The following INPP5D variants were observed in gnomAD, a reference collection of about 807,000 sequenced individuals.
INPP5D encodes the protein inositol polyphosphate-5-phosphatase D, also known as phosphatidylinositol 3,4,5-trisphosphate 5-phosphatase 1.
INPP5D carries 33 observed loss-of-function variants against 122.9 expected under a neutral mutation model. That is an observed-to-expected ratio of 0.27 (90% CI 0.20 to 0.36). The LOEUF (loss-of-function observed/expected upper bound fraction) is 0.36, where lower values mean the gene tolerates loss of function less well. INPP5D is among the 10% of genes least tolerant of loss of function. The probability of loss-of-function intolerance (pLI) is 1.00; values close to 1 mark genes in which losing one functional copy is unlikely to be tolerated. For synonymous variants in INPP5D, 584 were observed against 576.2 expected, an observed-to-expected ratio of 1.01 and a Z score of -0.19; for missense variants, 1,053 against 1,412.7, an observed-to-expected ratio of 0.75 and a Z score of 4.08.
intron 2 of INPP5D, among the ~76,000 whole-genome samples, chr2:233,117,537 C>T (rs1444502767): frequency 1.3e-5 from 2 of 152,184 alleles, no homozygotes; most frequent in African/African-American, 4.8e-5. Context: ...CGGGAGGCCA[C>T]AGCGCCTGCT....
At chr2:233,202,879 A>G (rs1432404637) in intron 25 of INPP5D, among the ~76,000 whole-genome samples, 1 of 152,184 alleles carries the variant, frequency 6.6e-6, no homozygotes, top group African/African-American at 2.4e-5. Flanking sequence ...TCCCCTGCCC[A>G]TGAGTTGAGT....
At chr2:233,156,553 C>T (rs1485034861) in intron 9 of INPP5D, among the ~76,000 whole-genome samples, 4 of 152,156 alleles carry the variant, frequency 2.6e-5, no homozygotes, top group African/African-American at 4.8e-5. Flanking sequence ...CCTCAGCCTC[C>T]CAAAGTGCTA....
At chr2:233,132,286 G>A (rs2106265733) in intron 5 of INPP5D, among the ~76,000 whole-genome samples, 1 of 152,256 alleles carries the variant, frequency 6.6e-6, no homozygotes, top group Non-Finnish European at 1.5e-5. Context: ...GTCTCTCCAC[G>A]AGGCTTCCCT....
At chr2:233,163,961 G>GT in intron 12 of INPP5D, 58 bp downstream of exon 12, 1 of 1,582,732 alleles carries the variant, frequency 6.3e-7, no homozygotes, top group South Asian at 1.1e-5. Flanking sequence ...GCTCGGCTGG[G>GT]CTGTCTCAGA....
At chr2:233,153,309 C>G (rs1253919544) in intron 9 of INPP5D, among the ~76,000 whole-genome samples, 1 of 152,166 alleles carries the variant, frequency 6.6e-6, no homozygotes, top group East Asian at 1.9e-4. Context: ...TGGTAGAAAT[C>G]GGACTGTGGG....
At chr2:233,115,548 G>A (rs1032330363) in intron 2 of INPP5D, among the ~76,000 whole-genome samples, 9 of 152,186 alleles carry the variant, frequency 5.9e-5, no homozygotes, top group South Asian at 2.1e-4. Context: ...TTAAAGACCC[G>A]GGTGCCCTTC....
chr2:233,201,810 C>G (rs556031979), intron 25 of INPP5D, among the ~76,000 whole-genome samples: 1 of 152,184 alleles, frequency 6.6e-6, no homozygotes. Flanking sequence ...GGAGATGAGA[C>G]TCGTCTCCTG....
At chr2:233,077,644 A>G (rs1270475500) in intron 1 of INPP5D, among the ~76,000 whole-genome samples, 1 of 140,760 alleles carries the variant, frequency 7.1e-6, no homozygotes, top group Non-Finnish European at 1.5e-5. Context: ...CTGGGCAACA[A>G]GAGCAAAACT....
chr2:233,086,121 C>CTTTCTTTA (rs1010736647), intron 2 of INPP5D, among the ~76,000 whole-genome samples: 2 of 67,332 alleles, frequency 3.0e-5, no homozygotes, highest in South Asian at 1.3e-3. Flanking sequence ...AAGATAGCCT[C>CTTTCTTTA]TTTCTTTCTT....
chr2:233,085,140 C>A (rs571613500), intron 2 of INPP5D, among the ~76,000 whole-genome samples: 130 of 152,232 alleles, frequency 8.5e-4, no homozygotes, highest in African/African-American at 2.9e-3. Context: ...AATCCCAGCA[C>A]TTTGGGAGGC....
chr2:233,114,871 CTT>C (rs538448378), intron 2 of INPP5D, among the ~76,000 whole-genome samples: 23 of 144,948 alleles, frequency 1.6e-4, no homozygotes, highest in Middle Eastern at 7.2e-3. Context: ...TTTGTTTCCA[CTT>C]TTTTTTTTTT....
chr2:233,132,590 T>C (rs1453247845), intron 5 of INPP5D, among the ~76,000 whole-genome samples: 1 of 152,272 alleles, frequency 6.6e-6, no homozygotes, highest in East Asian at 1.9e-4. Context: ...CTTGGCATTT[T>C]AGGAAATTGT....
intron 8 of INPP5D, 96 bp from the exon 9 acceptor site, chr2:233,147,375 G>A: frequency 3.0e-6 from 2 of 670,878 alleles, no homozygotes; most frequent in Non-Finnish European, 5.5e-6. Context: ...GCACACCAGA[G>A]GTTGCCCAGC....
At chr2:233,203,845 G>A (rs940852826) in intron 25 of INPP5D, among the ~76,000 whole-genome samples, 3 of 152,198 alleles carry the variant, frequency 2.0e-5, no homozygotes, top group African/African-American at 7.2e-5. Context: ...CTACTTGGGA[G>A]GCTGAGGGGA....
chr2:233,168,184 G>T (rs1205217835), intron 13 of INPP5D, among the ~76,000 whole-genome samples: 1 of 152,096 alleles, frequency 6.6e-6, no homozygotes, highest in Admixed American at 6.6e-5. Flanking sequence ...TTCAATAATA[G>T]ATTTTATTGA....
At chr2:233,063,504 TG>T (rs1691129898) in intron 1 of INPP5D, among the ~76,000 whole-genome samples, 2 of 152,190 alleles carry the variant, frequency 1.3e-5, no homozygotes, top group African/African-American at 4.8e-5. Context: ...ACTATGTAAA[TG>T]GACTTGAGCG....
chr2:233,178,518 A>C (rs1314221174), intron 18 of INPP5D, among the ~76,000 whole-genome samples: 1 of 150,468 alleles, frequency 6.6e-6, no homozygotes, highest in African/African-American at 2.5e-5. Flanking sequence ...AGTCTCTCTC[A>C]GTCGCCCAGG....
At chr2:233,076,060 C>T (rs769865029) in intron 1 of INPP5D, among the ~76,000 whole-genome samples, 1 of 152,138 alleles carries the variant, frequency 6.6e-6, no homozygotes, top group African/African-American at 2.4e-5. Flanking sequence ...CTGTTCTGTG[C>T]GCCTGCCTCT....
intron 10 of INPP5D, among the ~76,000 whole-genome samples, chr2:233,159,335 C>T (rs770243681): frequency 1.3e-5 from 2 of 152,298 alleles, no homozygotes; most frequent in East Asian, 3.9e-4. Context: ...CCATGCAGCT[C>T]GTGTGAGGCA....
Sources: allele counts gnomAD v4.1 joint callset (sites outside exome capture counted in the v4.1 genomes callset), GRCh38; gene constraint gnomAD v4.1.1; transcripts MANE v1.5; gene names NCBI Gene and HGNC (gene_info 2026-07-23, HGNC 2026-07-21).